The following MPPED1 variants were observed in gnomAD, a reference collection of about 807,000 sequenced individuals.
The protein encoded by MPPED1 is metallophosphoesterase domain containing 1, also known as metallophosphoesterase domain-containing protein 1.
A neutral mutation model predicts 36.2 loss-of-function variants in MPPED1; 16 were observed. That is an observed-to-expected ratio of 0.44 (90% confidence interval 0.30 to 0.67). MPPED1 has a LOEUF of 0.67. Ranked by LOEUF, MPPED1 falls within the 30% of genes least tolerant of loss-of-function variation. The pLI is 0.10. For synonymous variants in MPPED1, 199 were observed against 191.3 expected (o/e 1.04, Z -0.33); for missense variants, 307 against 453.4 (o/e 0.68, Z 2.93).
chr22:43,464,994 G>A (rs1263352015), intron 3 of MPPED1, among the ~76,000 whole-genome samples: 10 of 152,118 alleles, frequency 6.6e-5, no homozygotes, highest in Admixed American at 2.0e-4. Flanking sequence ...AACACCCTCC[G>A]TGGGCACCCC....
At chr22:43,439,347 G>A (rs1930070853) in intron 3 of MPPED1, among the ~76,000 whole-genome samples, 1 of 152,228 alleles carries the variant, frequency 6.6e-6, no homozygotes, top group South Asian at 2.1e-4. Context: ...GCTAAAAGAT[G>A]GATAAGGACA....
intron 2 of MPPED1, among the ~76,000 whole-genome samples, chr22:43,429,351 G>A (rs1929592859): frequency 1.3e-5 from 2 of 152,204 alleles, no homozygotes; most frequent in Admixed American, 1.3e-4. Context: ...CAAAGCAGGT[G>A]GGGAGGACTC....
At chr22:43,482,881 G>A (rs2146894916) in intron 4 of MPPED1, among the ~76,000 whole-genome samples, 1 of 152,342 alleles carries the variant, frequency 6.6e-6, no homozygotes. Flanking sequence ...GTTGGATGGG[G>A]CCAGAACGGA....
chr22:43,475,018 C>A, intron 4 of MPPED1, 57 bp downstream of exon 4: 2 of 1,525,148 alleles, frequency 1.3e-6, no homozygotes, highest in Non-Finnish European at 9.1e-7. Context: ...TGAGGCTGAG[C>A]GCAGGGGGTG....
intron 4 of MPPED1, among the ~76,000 whole-genome samples, chr22:43,486,745 G>T (rs1403818253): frequency 6.6e-6 from 1 of 151,294 alleles, no homozygotes; most frequent in Non-Finnish European, 1.5e-5. Context: ...AGGCTGGGAG[G>T]GGCCCCCAGG....
At chr22:43,440,260 C>T (rs976181555) in intron 3 of MPPED1, among the ~76,000 whole-genome samples, 13 of 152,236 alleles carry the variant, frequency 8.5e-5, no homozygotes, top group African/African-American at 2.9e-4. Context: ...TGTGAGCCAT[C>T]GCTGTTGCCA....
rs1288798592 is a variant in MPPED1, at chr22:43,507,702, C to G, written c.*2086C>G. 1.3e-5 allele frequency: 2 copies of G among 151,736 alleles called. No individual in the cohort carries two copies. The highest frequency in any genetic ancestry group is 2.4e-5 in the African/African-American group (1 of 41,284). The allele number at this position is 151,736 out of a possible 1,614,324, so 9.4% of individuals were successfully genotyped here. ...AGAAAAGTTATGAAGGCAGCTGTTA[C>G]TTTAAGAGAAAATTCATTAAAAGTC... On this transcript the variant is annotated 3_prime_UTR_variant, in exon 7 of 7. Coordinates refer to ENST00000443721, the MANE Select transcript of MPPED1 (RefSeq NM_001044370.2).
At chr22:43,439,621 G>A (rs2146839458) in intron 3 of MPPED1, among the ~76,000 whole-genome samples, 1 of 152,320 alleles carries the variant, frequency 6.6e-6, no homozygotes, top group Middle Eastern at 3.4e-3. Context: ...TTATTTTCTT[G>A]CCCCAGGGCT....
chr22:43,507,240 GTCCAAGGC>G lies in MPPED1; in HGVS notation c.*1627_*1634del, dbSNP rs1236065155. 2 of 152,244 alleles carry G rather than the reference GTCCAAGGC, an allele frequency of 1.3e-5. No homozygotes were observed. The highest frequency in any genetic ancestry group is 2.9e-5 in the Non-Finnish European group (2 of 68,068). 9.4% of individuals were successfully genotyped at this position (152,244 alleles called of 1,614,324 possible). A position where few individuals can be genotyped will look rare whatever the true frequency, so the allele number is the denominator to read the frequency against. ...TTATGTCCCTACAAAGCAATGCATG[GTCCAAGGC>G]TCTTTTTATTGTATTTTTATTTTTA... On this transcript the variant is annotated 3_prime_UTR_variant, in exon 7 of 7. Coordinates refer to ENST00000443721, the MANE Select transcript of MPPED1 (RefSeq NM_001044370.2).
intron 3 of MPPED1, among the ~76,000 whole-genome samples, chr22:43,439,999 C>T (rs967345368): frequency 7.9e-5 from 12 of 152,364 alleles, no homozygotes; most frequent in East Asian, 1.9e-4. Flanking sequence ...CGCCTTGCGG[C>T]GGGGGCGTGT....
At chr22:43,435,310 C>G in intron 3 of MPPED1, 95 bp downstream of exon 3, 1 of 1,373,716 alleles carries the variant, frequency 7.3e-7, no homozygotes, top group South Asian at 1.4e-5. Context: ...CCCTCCTGCG[C>G]TGCCCGGGCC....
At chr22:43,432,212 G>GAC in intron 2 of MPPED1, among the ~76,000 whole-genome samples, 1 of 34,458 alleles carries the variant, frequency 2.9e-5, no homozygotes, top group African/African-American at 6.9e-5. Flanking sequence ...CACAGAGAGA[G>GAC]AGAGAGAGAC....
chr22:43,426,840 C>T (rs1929493806), intron 2 of MPPED1, among the ~76,000 whole-genome samples: 1 of 152,230 alleles, frequency 6.6e-6, no homozygotes, highest in African/African-American at 2.4e-5. Context: ...TCTATCTGGG[C>T]TGCTGCCTCT....
intron 4 of MPPED1, among the ~76,000 whole-genome samples, chr22:43,486,380 T>G (rs1602006820): frequency 6.7e-6 from 1 of 149,332 alleles, no homozygotes. Flanking sequence ...GGAGGGGAGG[T>G]ATTGGGGTGG....
intron 1 of MPPED1, among the ~76,000 whole-genome samples, chr22:43,419,596 G>C (rs1048119223): frequency 2.0e-5 from 3 of 152,076 alleles, no homozygotes; most frequent in Non-Finnish European, 2.9e-5. Flanking sequence ...ACCTGAGGGC[G>C]GCAGCTGCTC....
At position 43,435,026 on chromosome 22, in the gene MPPED1, C is replaced by T. The variant is rs1323233393; in HGVS notation, c.225-8C>T. 3 of 1,612,744 alleles carry T rather than the reference C, an allele frequency of 1.9e-6. No individual in the cohort carries two copies. Among genetic ancestry groups the T allele is most frequent in the Non-Finnish European group, 2.5e-6 (3 of 1,179,306 alleles). On this transcript the variant is annotated splice_region_variant and splice_polypyrimidine_tract_variant and intron_variant, in intron 2 of 6. Coordinates refer to ENST00000443721, the MANE Select transcript of MPPED1 (RefSeq NM_001044370.2). ...CCTCCTGATCCGCAGTGTCATCTCTCCCTGCAGGGTGGACCCGGTGCCTCA... is the reference window on the plus strand; with the variant it reads ...CCTCCTGATCCGCAGTGTCATCTCTTCCTGCAGGGTGGACCCGGTGCCTCA...
chr22:43,456,392 G>C (rs926633837), intron 3 of MPPED1, among the ~76,000 whole-genome samples: 1 of 152,230 alleles, frequency 6.6e-6, no homozygotes, highest in African/African-American at 2.4e-5. Flanking sequence ...CTCCCAAATA[G>C]CTGGGACTGC....
At chr22:43,494,913 C>T (rs1411346746) in intron 4 of MPPED1, among the ~76,000 whole-genome samples, 2 of 152,164 alleles carry the variant, frequency 1.3e-5, no homozygotes, top group Admixed American at 1.3e-4. Context: ...TGTTTCCTTA[C>T]ATAGTGGAAG....
At chr22:43,504,696 G>C (rs1057202965) in intron 6 of MPPED1, among the ~76,000 whole-genome samples, 7 of 151,784 alleles carry the variant, frequency 4.6e-5, no homozygotes, top group Non-Finnish European at 8.8e-5. Context: ...TGGTGATAAT[G>C]ATGGTGATGG....
Sources: gnomAD v4.1 joint callset for allele counts (sites outside exome capture counted in the v4.1 genomes callset) on GRCh38, gnomAD v4.1.1 for gene constraint, MANE v1.5 for transcripts, NCBI Gene and HGNC (gene_info 2026-07-23, HGNC 2026-07-21) for gene names.